TG: variants seen among roughly 807,000 people sequenced by gnomAD.
TG encodes thyroid hormones.
Under a neutral mutation model 324.7 loss-of-function variants are expected in TG, and 270 were observed. The ratio of observed to expected loss-of-function variants is 0.83; its 90% CI spans 0.75 to 0.92. The LOEUF (loss-of-function observed/expected upper bound fraction) is 0.92, where lower values mean the gene tolerates loss of function less well. Among genes scored for constraint, TG ranks in the 40% least tolerant of loss-of-function variants. The pLI is 0.00. For synonymous variants in TG, 1,401 were observed against 1,327.0 expected (o/e 1.06, Z -1.21); for missense variants, 3,591 against 3,456.4 (o/e 1.04, Z -0.98).
rs202129007 is a variant in TG, at chr8:132,892,843, TGTG to T, written c.2762-843_2762-841del. ...GTGTGGTGTGTGTGTATGTGTGTGGTGTGGTGTATGTGTGTGTGGTATGCGTGT... is the reference window on the plus strand; with the variant it reads ...GTGTGGTGTGTGTGTATGTGTGTGGTGTGTATGTGTGTGTGGTATGCGTGT... On this transcript the variant is annotated intron_variant, in intron 10 of 47. Transcript: ENST00000220616. Among the ~76,000 whole-genome samples the T allele has an allele frequency of 8.2e-3, 1,206 of 147,040 alleles. 14 individuals are homozygous for T. Among genetic ancestry groups the T allele is most frequent in the African/African-American group, 0.029 (1,142 of 39,764 alleles).
At chr8:132,905,655 T>C (rs1818565406) in intron 16 of TG, among the ~76,000 whole-genome samples, 1 of 152,186 alleles carries the variant, frequency 6.6e-6, no homozygotes, top group Non-Finnish European at 1.5e-5. Context: ...GCTGTGTGCC[T>C]TGGCCTGGGT....
chr8:132,940,951 G>A (rs1824352502), intron 25 of TG, among the ~76,000 whole-genome samples: 1 of 152,254 alleles, frequency 6.6e-6, no homozygotes, highest in Admixed American at 6.5e-5. Context: ...AAACACTTGT[G>A]ATAGCAGAGC....
intron 41 of TG, chr8:133,040,198 TGA>T: frequency 6.6e-7 from 1 of 1,515,524 alleles, no homozygotes; most frequent in Non-Finnish European, 8.9e-7. Context: ...GGTTCAGGCC[TGA>T]GACACTCTCC....
At chr8:133,068,099 C>T (rs560308715) in intron 41 of TG, among the ~76,000 whole-genome samples, 1 of 152,168 alleles carries the variant, frequency 6.6e-6, no homozygotes, top group East Asian at 1.9e-4. Flanking sequence ...CATCATAAAG[C>T]ATCACTTGAA....
chr8:132,895,419 C>T (rs1168759551), intron 11 of TG, among the ~76,000 whole-genome samples: 1 of 152,208 alleles, frequency 6.6e-6, no homozygotes, highest in African/African-American at 2.4e-5. Context: ...CTCCTAATAC[C>T]ACGTGACAAT....
intron 32 of TG, among the ~76,000 whole-genome samples, chr8:132,970,852 G>A (rs1252241819): frequency 1.3e-5 from 2 of 152,190 alleles, no homozygotes; most frequent in Non-Finnish European, 2.9e-5. Flanking sequence ...TAAGTGGACA[G>A]GTTAGCAGAG....
At chr8:132,986,367 ATAGTATATATATG>A (rs1268037786) in intron 35 of TG, among the ~76,000 whole-genome samples, 3 of 99,924 alleles carry the variant, frequency 3.0e-5, no homozygotes, top group African/African-American at 6.7e-5. Context: ...ATGTGTATAT[ATAGTATATATATG>A]TGTGTATATA....
chr8:132,897,888 T>C (rs1023648438), intron 12 of TG, 102 bp downstream of exon 12: 1 of 1,414,166 alleles, frequency 7.1e-7, no homozygotes, highest in South Asian at 1.2e-5. Flanking sequence ...ACTCTTAGGC[T>C]CCTCTTTAGC....
chr8:132,968,873 A>G (rs1829039666), intron 31 of TG, among the ~76,000 whole-genome samples: 1 of 152,194 alleles, frequency 6.6e-6, no homozygotes, highest in Non-Finnish European at 1.5e-5. Flanking sequence ...ATGCAGGCTG[A>G]CTTGAAAGAA....
chr8:133,010,212 A>C lies in TG; in HGVS notation c.6263-1689A>C, dbSNP rs146817463. Among the ~76,000 whole-genome samples, 13 of 152,262 alleles carry C rather than the reference A, an allele frequency of 8.5e-5. No homozygotes were observed. The East Asian group carries it at 2.5e-3, about 29-fold the overall frequency. Reference sequence around the variant, plus strand: ...ATTTTCCAGCTCCATGTTCTGAAAAATGTCATATAACTTCTCTGAGTTTCT... The same window carrying C: ...ATTTTCCAGCTCCATGTTCTGAAAACTGTCATATAACTTCTCTGAGTTTCT... On this transcript the variant is annotated intron_variant, in intron 35 of 47. Coordinates refer to ENST00000220616, the MANE Select transcript of TG (RefSeq NM_003235.5).
At chr8:133,115,126 A>G (rs1850570016) in intron 44 of TG, among the ~76,000 whole-genome samples, 3 of 150,342 alleles carry the variant, frequency 2.0e-5, no homozygotes, top group African/African-American at 7.6e-5. Context: ...GAGATCAAAA[A>G]ACCTAGGTTC....
rs1167395823 is a variant in TG at position 132,929,106 on chromosome 8, C to G, written c.4730C>G (p.Ser1577Ter). Residue 1577 changes from serine (S) to a stop codon, truncating the protein, a stop_gained, in exon 23 of 48, where the codon TCA (serine) becomes TGA (stop). Transcript: ENST00000220616. LOFTEE classifies it high-confidence loss of function. Reference sequence around the variant, plus strand: ...CAGAAGTTTGAGAAGGTTCCAGAATCAAAGGTGATCTTCGACGCCAATGCT... The same window carrying G: ...CAGAAGTTTGAGAAGGTTCCAGAATGAAAGGTGATCTTCGACGCCAATGCT... ...MMQKFEKVPE[S>*]KVIFDANAPV... 6.2e-7 allele frequency: 1 copy of G among 1,614,020 alleles called. No homozygotes were observed. Among genetic ancestry groups the G allele is most frequent in the African/African-American group, 1.3e-5 (1 of 75,026 alleles).
intron 41 of TG, among the ~76,000 whole-genome samples, chr8:133,043,340 AC>A (rs1838681367): frequency 6.6e-6 from 1 of 151,936 alleles, no homozygotes; most frequent in Non-Finnish European, 1.5e-5. Flanking sequence ...TGGTCTCCAC[AC>A]CCCCTCCGAT....
At chr8:133,042,594 A>G (rs1838464522) in intron 41 of TG, among the ~76,000 whole-genome samples, 1 of 151,324 alleles carries the variant, frequency 6.6e-6, no homozygotes, top group African/African-American at 2.4e-5. Context: ...TAATTTGCCT[A>G]AAGGCATCAT....
rs747745496 is a variant in TG at position 133,096,365 on chromosome 8, G to C, written c.7564G>C (p.Ala2522Pro). 4 of 1,614,146 alleles carry C rather than the reference G, an allele frequency of 2.5e-6. No individual in the cohort carries two copies. The highest frequency in any genetic ancestry group is 3.4e-6 in the Non-Finnish European group (4 of 1,180,030). The stretch of plus-strand genomic sequence containing the variant: ...CGACGGGCTCATCAACAGAGCAAAG[G>C]CTGTGAAGGTAAGCAGGGAGGGGGC... ...QDDGLINRAKAVKQFEESRGR... is the reference protein window; with the variant it reads ...QDDGLINRAKPVKQFEESRGR... Residue 2522 changes from alanine to proline, a missense_variant, in exon 43 of 48, where the codon GCT becomes CCT. Ala to Pro is a conservative substitution (Grantham distance 27). Transcript: ENST00000220616.
At chr8:133,011,368 C>G (rs1834492266) in intron 35 of TG, among the ~76,000 whole-genome samples, 1 of 151,710 alleles carries the variant, frequency 6.6e-6, no homozygotes, top group Non-Finnish European at 1.5e-5. Flanking sequence ...ATCAGCTTAA[C>G]AACAGTTGGG....
chr8:133,131,296 T>G (rs1439938489), intron 45 of TG, among the ~76,000 whole-genome samples: 1 of 152,234 alleles, frequency 6.6e-6, no homozygotes, highest in African/African-American at 2.4e-5. Context: ...CAGTCTAGCA[T>G]GTATTTATTG....
chr8:132,931,972 T>C (rs181457891), intron 23 of TG, among the ~76,000 whole-genome samples: 1 of 152,252 alleles, frequency 6.6e-6, no homozygotes, highest in African/African-American at 2.4e-5. Flanking sequence ...TGCGTACCTG[T>C]AATCCCAGCT....
intron 22 of TG, among the ~76,000 whole-genome samples, chr8:132,925,066 T>C (rs557961509): frequency 1.7e-3 from 261 of 152,298 alleles, no homozygotes; most frequent in Non-Finnish European, 3.0e-3. Context: ...AGTATTTCTG[T>C]GGAAGGAGAG....
Sources: gnomAD v4.1 joint callset for allele counts (sites outside exome capture counted in the v4.1 genomes callset) on GRCh38, gnomAD v4.1.1 for gene constraint, MANE v1.5 for transcripts, NCBI Gene and HGNC (gene_info 2026-07-23, HGNC 2026-07-21) for gene names.